Variants in PIGN observed in about 807,000 individuals in gnomAD.
PIGN encodes GPI ethanolamine phosphate transferase 1.
Under a neutral mutation model 125.4 loss-of-function variants are expected in PIGN, and 117 were observed. The observed-to-expected ratio is 0.93, with a 90% CI of 0.80 to 1.09. The LOEUF (loss-of-function observed/expected upper bound fraction) is 1.09, where lower values mean the gene tolerates loss of function less well. Among genes scored for constraint, PIGN ranks in the 50% least tolerant of loss-of-function variants. The pLI is 0.00. For synonymous variants in PIGN, 392 were observed against 377.8 expected, an observed-to-expected ratio of 1.04 and a Z score of -0.44; for missense variants, 1,075 against 1,094.9, an observed-to-expected ratio of 0.98 and a Z score of 0.26.
At chr18:62,150,666 G>A (rs779034930) in intron 7 of PIGN, among the ~76,000 whole-genome samples, 50 of 149,444 alleles carry the variant, frequency 3.3e-4, no homozygotes, top group East Asian at 1.0e-3. Context: ...GTTGCCAGGC[G>A]TTGGGGGAGG....
At chr18:62,153,016 G>C (rs1028395100) in intron 7 of PIGN, among the ~76,000 whole-genome samples, 1 of 152,036 alleles carries the variant, frequency 6.6e-6, no homozygotes, top group Admixed American at 6.6e-5. Context: ...CCTCTTCTGA[G>C]ACCTGGCTCC....
chr18:62,096,944 G>C (rs902853200), intron 22 of PIGN, among the ~76,000 whole-genome samples: 6 of 150,382 alleles, frequency 4.0e-5, no homozygotes, highest in Admixed American at 2.0e-4. Flanking sequence ...TTGGACATTT[G>C]GGTTGGTTCC....
intron 14 of PIGN, among the ~76,000 whole-genome samples, chr18:62,117,515 T>C (rs2035131542): frequency 6.6e-6 from 1 of 151,654 alleles, no homozygotes; most frequent in African/African-American, 2.4e-5. Flanking sequence ...AAATAGGGAT[T>C]GAAGTGTATT....
At chr18:62,080,607 T>C (rs973319077) in intron 28 of PIGN, among the ~76,000 whole-genome samples, 2 of 152,156 alleles carry the variant, frequency 1.3e-5, no homozygotes, top group African/African-American at 4.8e-5. Context: ...CATTAGTCCT[T>C]TTCCCTTGTT....
chr18:62,147,939 TA>T (rs1288091448), intron 8 of PIGN, among the ~76,000 whole-genome samples: 1 of 152,102 alleles, frequency 6.6e-6, no homozygotes, highest in Non-Finnish European at 1.5e-5. Context: ...AATATATAGA[TA>T]TTTTAGATAA....
chr18:62,103,149 T>C (rs1041044959), intron 20 of PIGN, among the ~76,000 whole-genome samples: 4 of 152,142 alleles, frequency 2.6e-5, no homozygotes, highest in African/African-American at 9.6e-5. Flanking sequence ...CTCCCCACAA[T>C]TTTCTAAGTA....
At chr18:62,046,549 C>A (rs2030720638) in intron 30 of PIGN, among the ~76,000 whole-genome samples, 1 of 135,098 alleles carries the variant, frequency 7.4e-6, no homozygotes, top group South Asian at 2.7e-4. Context: ...ACAGTTTCAT[C>A]CCGAAACCAT....
At chr18:62,038,919 A>AAAT (rs10601031), downstream of PIGN, among the ~76,000 whole-genome samples, 2,095 of 144,724 alleles carry the variant, frequency 0.014, 14 homozygotes, top group South Asian at 0.023. Context: ...CCCTGTCTCA[A>AAAT]AATAATAATA....
chr18:62,104,649 A>G (rs1182317767), intron 20 of PIGN, among the ~76,000 whole-genome samples: 1 of 152,164 alleles, frequency 6.6e-6, no homozygotes, highest in African/African-American at 2.4e-5. Flanking sequence ...TCATACAAAT[A>G]GGAGAAAATG....
intron 30 of PIGN, among the ~76,000 whole-genome samples, chr18:62,055,434 T>A (rs1369479421): frequency 6.6e-6 from 1 of 152,214 alleles, no homozygotes; most frequent in Non-Finnish European, 1.5e-5. Flanking sequence ...GTATCATATT[T>A]ATGAAGTAAC....
intron 14 of PIGN, chr18:62,135,698 A>G (rs1182272125): frequency 1.6e-5 from 2 of 128,724 alleles, no homozygotes; most frequent in Admixed American, 1.0e-4. Flanking sequence ...ATCTTGGCTC[A>G]CTGCTGCAAC....
Position 62,178,083 on chromosome 18 carries a change from G to C in PIGN, c.-236+8761C>G, listed in dbSNP as rs185310251. On this transcript the variant is annotated intron_variant, in intron 1 of 30. Coordinates refer to ENST00000640252, the MANE Select transcript of PIGN (RefSeq NM_176787.5). ...ACATTGGTCACTCAGGAAACCACTA[G>C]ACAGATCAAAATGCACAACCACAGT... Among the ~76,000 whole-genome samples the C allele has an allele frequency of 2.6e-3, 393 of 152,210 alleles. 2 individuals carry two copies. The highest frequency in any genetic ancestry group is 8.9e-3 in the African/African-American group (368 of 41,518).
At chr18:62,064,814 C>T (rs1271496079) in intron 30 of PIGN, among the ~76,000 whole-genome samples, 1 of 151,768 alleles carries the variant, frequency 6.6e-6, no homozygotes, top group Non-Finnish European at 1.5e-5. Context: ...TTTTCTGTGG[C>T]AAAACAATAC....
At chr18:62,081,872 T>C (rs1239030547) in intron 28 of PIGN, among the ~76,000 whole-genome samples, 2 of 152,090 alleles carry the variant, frequency 1.3e-5, no homozygotes, top group Non-Finnish European at 2.9e-5. Context: ...AAGAAAAACT[T>C]TTTTCATTAT....
In PIGN at chr18:62,113,137, C is replaced by G; in HGVS notation, c.1431G>C (p.Val477=). Residue 477 remains valine, a synonymous_variant, in exon 16 of 31, where the codon GTG becomes GTC. Coordinates refer to ENST00000640252, the MANE Select transcript of PIGN (RefSeq NM_176787.5). ...SNLIKGVSKE[V]KKPSHLLPCS... is the part of the protein sequence containing the mutation. The stretch of plus-strand genomic sequence containing the variant: ...TCCTCACATTTTCTAAACGTACCTT[C>G]ACTTCTTTACTAACACCTTTTATAA... 1 of 1,602,966 alleles carries G rather than the reference C, an allele frequency of 6.2e-7. No individual in the cohort carries two copies. Among genetic ancestry groups the G allele is most frequent in the East Asian group, 2.2e-5 (1 of 44,500 alleles).
At chr18:62,169,628 T>C (rs983452396) in intron 1 of PIGN, among the ~76,000 whole-genome samples, 7 of 152,120 alleles carry the variant, frequency 4.6e-5, no homozygotes, top group Non-Finnish European at 1.0e-4. Context: ...TTTAACTTTT[T>C]TTTTTCCCTT....
intron 6 of PIGN, among the ~76,000 whole-genome samples, chr18:62,155,778 G>A (rs1006369962): frequency 2.0e-5 from 3 of 151,992 alleles, no homozygotes; most frequent in Admixed American, 6.6e-5. Flanking sequence ...ATCCATTGTA[G>A]CCAGAAATAG....
rs1302398990 is a variant in PIGN at position 62,084,617 on chromosome 18, A to G, written c.2427-11T>C. 4 of 1,514,238 alleles carry G rather than the reference A, an allele frequency of 2.6e-6. No individual in the cohort carries two copies. The highest frequency in any genetic ancestry group is 1.4e-5 in the African/African-American group (1 of 72,464). 93.8% of individuals were successfully genotyped at this position (1,514,238 alleles called of 1,614,324 possible). Reference sequence around the variant, plus strand: ...GAGGCAAGATCAAAGCTAGGGAATTATAACAAGGAAAAAGAATTTAGAATT... The same window carrying G: ...GAGGCAAGATCAAAGCTAGGGAATTGTAACAAGGAAAAAGAATTTAGAATT... On this transcript the variant is annotated splice_polypyrimidine_tract_variant and intron_variant, in intron 26 of 30. Transcript: ENST00000640252.
intron 1 of PIGN, among the ~76,000 whole-genome samples, chr18:62,179,062 T>G (rs566392946): frequency 1.3e-5 from 2 of 152,306 alleles, no homozygotes; most frequent in African/African-American, 4.8e-5. Flanking sequence ...TATAATGTCT[T>G]GCTATTGGGA....
Sources: allele counts gnomAD v4.1 joint callset (sites outside exome capture counted in the v4.1 genomes callset), GRCh38; gene constraint gnomAD v4.1.1; transcripts MANE v1.5; gene names NCBI Gene and HGNC (gene_info 2026-07-23, HGNC 2026-07-21).